PCDHA11: variants seen among roughly 807,000 people sequenced by gnomAD.
PCDHA11 encodes the protein protocadherin alpha-11.
Under a neutral mutation model 70.3 loss-of-function variants are expected in PCDHA11, and 61 were observed. The observed-to-expected ratio is 0.87, with a 90% CI of 0.71 to 1.07. PCDHA11 has a LOEUF of 1.07. Ranked by LOEUF, PCDHA11 falls within the 50% of genes least tolerant of loss-of-function variation. PCDHA11 has a pLI of 0.00. For missense variants in PCDHA11, 1,324 were observed against 1,237.5 expected (o/e 1.07, Z -1.05); for synonymous variants, 633 against 555.1 (o/e 1.14, Z -1.97).
At chr5:140,979,900 T>A (rs1554241214) in intron 2 of PCDHA11, among the ~76,000 whole-genome samples, 4 of 152,214 alleles carry the variant, frequency 2.6e-5, no homozygotes, top group Admixed American at 6.5e-5. Context: ...CAAACTTAGA[T>A]CAGTTCGTAA....
At chr5:140,975,899 G>A (rs2096688066) in intron 1 of PCDHA11, among the ~76,000 whole-genome samples, 1 of 152,084 alleles carries the variant, frequency 6.6e-6, no homozygotes, top group African/African-American at 2.4e-5. Context: ...ATGGAGTTTT[G>A]TGACCATTAT....
intron 1 of PCDHA11, among the ~76,000 whole-genome samples, chr5:140,949,848 C>T (rs534650997): frequency 2.2e-4 from 34 of 151,738 alleles, no homozygotes; most frequent in African/African-American, 6.0e-4. Flanking sequence ...CTTCTGTTTC[C>T]GCTTATCTGT....
At position 140,870,953 on chromosome 5, in the gene PCDHA11, C is replaced by A; in HGVS notation, c.1850C>A (p.Ser617Ter). Residue 617 changes from serine to a stop codon, truncating the protein, a stop_gained, in exon 1 of 4, where the codon TCG (serine) becomes TAG (stop). Transcript: ENST00000398640. LOFTEE classifies it high-confidence loss of function. Reference sequence around the variant, plus strand: ...GAATTGCAGCCGGCGGCGGGCGGCTCGCGCATCCCGTTCCGCGTGGGGCTG... The same window carrying A: ...GAATTGCAGCCGGCGGCGGGCGGCTAGCGCATCCCGTTCCGCGTGGGGCTG... ...SYELQPAAGG[S>*]RIPFRVGLYT... 2 of 1,613,668 alleles carry A rather than the reference C, an allele frequency of 1.2e-6. No homozygotes were observed. The highest frequency in any genetic ancestry group is 1.7e-6 in the Non-Finnish European group (2 of 1,179,888).
intron 1 of PCDHA11, chr5:140,968,133 A>G (rs782213191): frequency 1.5e-5 from 24 of 1,614,022 alleles, no homozygotes; most frequent in Middle Eastern, 3.3e-4. Flanking sequence ...CGTACACTGA[A>G]GGTTGAGATC....
intron 2 of PCDHA11, among the ~76,000 whole-genome samples, chr5:140,980,367 C>A (rs1245361324): frequency 2.6e-5 from 4 of 152,174 alleles, no homozygotes; most frequent in Non-Finnish European, 5.9e-5. Flanking sequence ...CGCGGTGGCT[C>A]ACACCTGTAA....
chr5:140,890,760 A>C (rs939413448), intron 1 of PCDHA11, among the ~76,000 whole-genome samples: 2 of 152,188 alleles, frequency 1.3e-5, no homozygotes, highest in Non-Finnish European at 2.9e-5. Flanking sequence ...ATGCTTTAAA[A>C]ATATTTTAAA....
intron 3 of PCDHA11, among the ~76,000 whole-genome samples, chr5:140,998,253 T>C (rs1245576621): frequency 6.6e-6 from 1 of 152,232 alleles, no homozygotes; most frequent in Non-Finnish European, 1.5e-5. Context: ...CTCATTTTAC[T>C]GCTAAGAAAA....
chr5:140,969,066 G>A (rs2096292938), intron 1 of PCDHA11: 2 of 1,614,144 alleles, frequency 1.2e-6, no homozygotes, highest in Admixed American at 3.3e-5. Context: ...ATTGATGCCA[G>A]GATACCGCAT....
intron 1 of PCDHA11, among the ~76,000 whole-genome samples, chr5:140,933,309 A>G (rs183796217): frequency 4.7e-4 from 72 of 152,092 alleles, no homozygotes; most frequent in Middle Eastern, 6.8e-3. Context: ...TAAATATGCA[A>G]TCTCGTATTC....
At chr5:140,946,611 A>AATATAT (rs1554217734) in intron 1 of PCDHA11, among the ~76,000 whole-genome samples, 1,127 of 86,766 alleles carry the variant, frequency 0.013, 130 homozygotes, top group African/African-American at 0.067. Flanking sequence ...GAAAATGTGA[A>AATATAT]ATATATATAT....
At chr5:141,004,013 G>C (rs1327248207) in intron 3 of PCDHA11, among the ~76,000 whole-genome samples, 4 of 152,124 alleles carry the variant, frequency 2.6e-5, no homozygotes, top group African/African-American at 9.7e-5. Context: ...AGGCAGCACT[G>C]AAAGAAGAAA....
Position 140,871,427 on chromosome 5 carries a change from T to G in PCDHA11, c.2324T>G (p.Leu775Arg), listed in dbSNP as rs782140666. The change falls in exon 1 of 4, where the codon CTT becomes CGT. Residue 775 changes from leucine to arginine, a missense_variant. Leu to Arg is a moderately radical substitution (Grantham distance 102). Transcript: ENST00000398640. ...KTDLMAFSPSLPLGLNKEEEG... is the reference protein window; with the variant it reads ...KTDLMAFSPSRPLGLNKEEEG... The stretch of plus-strand genomic sequence containing the variant: ...GACCTCATGGCCTTCAGCCCCAGTC[T>G]TCCTCTAGGTCTGAATAAAGAGGAG... The G allele has an allele frequency of 1.9e-6, 3 of 1,613,326 alleles. No individual in the cohort carries two copies. Among genetic ancestry groups the G allele is most frequent in the Non-Finnish European group, 2.5e-6 (3 of 1,179,578 alleles).
At chr5:141,009,551 C>G (rs551736337) in intron 3 of PCDHA11, 76 bp from the exon 4 acceptor site, 1 of 1,561,992 alleles carries the variant, frequency 6.4e-7, no homozygotes, top group East Asian at 2.2e-5. Flanking sequence ...ATGCAGTACT[C>G]CTGTACTCTA....
At chr5:140,990,772 C>T (rs1554251728) in intron 3 of PCDHA11, among the ~76,000 whole-genome samples, 1 of 152,164 alleles carries the variant, frequency 6.6e-6, no homozygotes, top group African/African-American at 2.4e-5. Context: ...AAATTTGGCT[C>T]TGTGTTGGAC....
At chr5:140,892,891 C>T (rs563104545) in intron 1 of PCDHA11, among the ~76,000 whole-genome samples, 1 of 152,264 alleles carries the variant, frequency 6.6e-6, no homozygotes, top group South Asian at 2.1e-4. Context: ...ATTAACCAAC[C>T]TTTCCCCATC....
chr5:140,876,250 A>C (rs782111802), intron 1 of PCDHA11: 1 of 1,614,046 alleles, frequency 6.2e-7, no homozygotes. Context: ...AAACGACACA[A>C]GAGTGATCCA....
chr5:140,927,040 A>T (rs1554203950), intron 1 of PCDHA11: 1 of 1,612,350 alleles, frequency 6.2e-7, no homozygotes, highest in Non-Finnish European at 8.5e-7. Flanking sequence ...AGCGGCCGCT[A>T]TGTCCTCGCG....
intron 1 of PCDHA11, among the ~76,000 whole-genome samples, chr5:140,945,731 A>G (rs1021363337): frequency 2.6e-5 from 4 of 152,144 alleles, no homozygotes; most frequent in Non-Finnish European, 4.4e-5. Flanking sequence ...TACAATGGAA[A>G]AAGGACAGCC....
At chr5:140,882,404 G>A in intron 1 of PCDHA11, 1 of 1,614,152 alleles carries the variant, frequency 6.2e-7, no homozygotes. Context: ...CACCTTCGTG[G>A]GCCGCATCGC....
Sources: allele counts gnomAD v4.1 joint callset (sites outside exome capture counted in the v4.1 genomes callset), GRCh38; gene constraint gnomAD v4.1.1; transcripts MANE v1.5; gene names NCBI Gene and HGNC (gene_info 2026-07-23, HGNC 2026-07-21).